The following FRMD6 variants were observed in gnomAD, a reference collection of about 807,000 sequenced individuals.
FRMD6 encodes FERM domain containing 6, also known as FERM domain-containing protein 6.
Under a neutral mutation model 73.2 loss-of-function variants are expected in FRMD6, and 37 were observed. The ratio of observed to expected loss-of-function variants is 0.51; its 90% CI spans 0.39 to 0.66. The LOEUF (loss-of-function observed/expected upper bound fraction) is 0.66. Among genes scored for constraint, FRMD6 ranks in the 30% least tolerant of loss-of-function variants. The pLI, the probability that FRMD6 is intolerant of heterozygous loss-of-function variation, is 0.00. For missense variants in FRMD6, 714 were observed against 780.5 expected (o/e 0.91, Z 1.02); for synonymous variants, 273 against 282.2 (o/e 0.97, Z 0.33).
chr14:51,509,875 C>T (rs1306255084), intron 1 of FRMD6, among the ~76,000 whole-genome samples: 2 of 152,162 alleles, frequency 1.3e-5, no homozygotes, highest in African/African-American at 4.8e-5. Context: ...ATCCACCCGT[C>T]TTGGTCTCCC....
At chr14:51,406,007 TG>T in the FRMD6 span, among the ~76,000 whole-genome samples, 1 of 152,220 alleles carries the variant, frequency 6.6e-6, no homozygotes, top group African/African-American at 2.4e-5. Context: ...AGTAGATTTT[TG>T]TATATGGTGT....
At chr14:51,554,558 G>A (rs1181176314) in intron 1 of FRMD6, 2 of 152,156 alleles carry the variant, frequency 1.3e-5, no homozygotes, top group Non-Finnish European at 2.9e-5. Context: ...TGATGAAAAT[G>A]GCATCTGTGG....
chr14:51,630,893 A>T (rs1891311110), intron 2 of FRMD6, among the ~76,000 whole-genome samples: 1 of 152,196 alleles, frequency 6.6e-6, no homozygotes, highest in South Asian at 2.1e-4. Flanking sequence ...CTTGTAGTAC[A>T]AGGCTTCCAC....
chr14:51,604,806 G>A (rs1490732309), intron 2 of FRMD6, among the ~76,000 whole-genome samples: 1 of 151,984 alleles, frequency 6.6e-6, no homozygotes, highest in Non-Finnish European at 1.5e-5. Context: ...ACTCTTCCAG[G>A]CCCTCTCCAC....
the FRMD6 span, among the ~76,000 whole-genome samples, chr14:51,452,856 C>T: frequency 6.6e-6 from 1 of 152,108 alleles, no homozygotes; most frequent in Admixed American, 6.6e-5. Context: ...TCATTAGGGT[C>T]AACGGCAAGG....
At chr14:51,476,731 A>G in the FRMD6 span, among the ~76,000 whole-genome samples, 4 of 152,252 alleles carry the variant, frequency 2.6e-5, no homozygotes, top group Admixed American at 2.6e-4. Context: ...TTCAGTAGAC[A>G]TATTTTTGGT....
At chr14:51,533,131 A>G (rs1350612474) in intron 1 of FRMD6, among the ~76,000 whole-genome samples, 1 of 152,180 alleles carries the variant, frequency 6.6e-6, no homozygotes, top group Non-Finnish European at 1.5e-5. Flanking sequence ...ATTTTACCTA[A>G]GTGTAGCCCA....
the FRMD6 span, among the ~76,000 whole-genome samples, chr14:51,441,857 T>C: frequency 2.0e-5 from 3 of 152,240 alleles, no homozygotes; most frequent in Non-Finnish European, 4.4e-5. Context: ...ACTGTAAATA[T>C]GCAGTGACAT....
intron 13 of FRMD6, among the ~76,000 whole-genome samples, chr14:51,727,040 GC>G (rs1177496326): frequency 1.3e-5 from 2 of 151,482 alleles, no homozygotes; most frequent in Non-Finnish European, 2.9e-5. Context: ...AAAAAAGTCT[GC>G]CCCCTGCTGT....
chr14:51,546,268 T>G lies in FRMD6; in HGVS notation c.-209-24080T>G, dbSNP rs181681700. Among the ~76,000 whole-genome samples the G allele has an allele frequency of 5.1e-3, 782 of 152,234 alleles. 1 individual carries two copies. Among genetic ancestry groups the G allele is most frequent in the African/African-American group, 0.017 (721 of 41,546 alleles). ...CAGGATCACATTAGGCCATGAGTGC[T>G]CGGTTTCTCTGGCTTCTATTAGATT... On this transcript the variant is annotated intron_variant, in intron 1 of 14. Coordinates refer to the FRMD6 transcript ENST00000356218.
chr14:51,546,644 T>C (rs2139405714), intron 1 of FRMD6: 1 of 148,130 alleles, frequency 6.8e-6, no homozygotes, highest in South Asian at 2.1e-4. Context: ...ATGGATGTCA[T>C]GCAACCAAAA....
intron 1 of FRMD6, among the ~76,000 whole-genome samples, chr14:51,502,561 TC>T (rs1233329956): frequency 6.6e-6 from 1 of 152,214 alleles, no homozygotes; most frequent in African/African-American, 2.4e-5. Flanking sequence ...GGTCTATGTG[TC>T]TGCTCTTGTA....
intron 1 of FRMD6, among the ~76,000 whole-genome samples, chr14:51,493,451 C>T (rs1207668059): frequency 2.6e-5 from 4 of 152,104 alleles, no homozygotes; most frequent in African/African-American, 4.8e-5. Flanking sequence ...ATAAGTCTCA[C>T]GAGATCTGAT....
chr14:51,659,277 C>T (rs769390643), intron 1 of FRMD6, among the ~76,000 whole-genome samples: 5 of 152,250 alleles, frequency 3.3e-5, no homozygotes, highest in East Asian at 1.9e-4. Context: ...TGAAATGGTA[C>T]GTGTAAAACA....
chr14:51,574,096 G>A (rs1888282501), intron 2 of FRMD6, among the ~76,000 whole-genome samples: 1 of 152,140 alleles, frequency 6.6e-6, no homozygotes, highest in Non-Finnish European at 1.5e-5. Context: ...TTGTGCTAAA[G>A]CCACCTTTGA....
intron 1 of FRMD6, among the ~76,000 whole-genome samples, chr14:51,565,632 A>G (rs1887730192): frequency 6.6e-6 from 1 of 152,084 alleles, no homozygotes; most frequent in African/African-American, 2.4e-5. Flanking sequence ...GTTTAAATGA[A>G]TCACCAAGAG....
chr14:51,449,799 T>C, the FRMD6 span, among the ~76,000 whole-genome samples: 1 of 151,994 alleles, frequency 6.6e-6, no homozygotes, highest in East Asian at 1.9e-4. Flanking sequence ...CAGCTGATGG[T>C]TCCTGGGTCC....
rs113009823 is a variant in FRMD6, at chr14:51,663,452, T to C, written c.-147+11456T>C. Among the ~76,000 whole-genome samples, 1,348 of 152,340 alleles carry C rather than the reference T, an allele frequency of 8.8e-3. 21 individuals carry two copies. The highest frequency in any genetic ancestry group is 0.03 in the African/African-American group (1,261 of 41,582). ...GTTGCCATAAAAAAGAATGCGATCATGTCCTTTGAGGTAACATGGATGGAG... is the reference window on the plus strand; with the variant it reads ...GTTGCCATAAAAAAGAATGCGATCACGTCCTTTGAGGTAACATGGATGGAG... On this transcript the variant is annotated intron_variant, in intron 1 of 13. Transcript: ENST00000344768.
the FRMD6 span, among the ~76,000 whole-genome samples, chr14:51,424,207 G>A: frequency 2.0e-5 from 3 of 152,148 alleles, no homozygotes; most frequent in Non-Finnish European, 4.4e-5. Context: ...AGTTAAAGGG[G>A]AAGTAGAAGG....
Sources: gnomAD v4.1 joint callset for allele counts (sites outside exome capture counted in the v4.1 genomes callset) on GRCh38, gnomAD v4.1.1 for gene constraint, MANE v1.5 for transcripts, NCBI Gene and HGNC (gene_info 2026-07-23, HGNC 2026-07-21) for gene names.